HDHD2: variants seen among roughly 807,000 people sequenced by gnomAD.
HDHD2 encodes the protein haloacid dehalogenase-like hydrolase domain-containing protein 2.
In HDHD2, 26 loss-of-function variants were observed where a neutral mutation model predicts 24.8. The observed-to-expected ratio is 1.05, with a 90% CI of 0.77 to 1.45. HDHD2 has a LOEUF of 1.45. Among genes scored for constraint, HDHD2 ranks in the 40% most tolerant of loss-of-function variants. The probability of loss-of-function intolerance (pLI) is 0.00; values close to 1 mark genes in which losing one functional copy is unlikely to be tolerated. For missense variants in HDHD2, 299 were observed against 313.4 expected (o/e 0.95, Z 0.35); for synonymous variants, 128 against 114.9 (o/e 1.11, Z -0.73).
At position 47,143,942 on chromosome 18, in the gene HDHD2, G is replaced by A. The variant is rs560828957; in HGVS notation, c.-11+6436C>T. On this transcript the variant is annotated intron_variant, in intron 1 of 6. Transcript: ENST00000300605. ...TTTGAAAGAGTAAACATTTATTGAT[G>A]AATAAACTCTGGTATGCTTATTTTT... Among the ~76,000 whole-genome samples the A allele has an allele frequency of 9.2e-5, 14 of 152,198 alleles. No individual in the cohort carries two copies. The South Asian group carries it at 2.7e-3, about 29-fold the overall frequency.
intron 3 of HDHD2, among the ~76,000 whole-genome samples, chr18:47,131,811 A>G (rs1048253931): frequency 1.3e-5 from 2 of 152,180 alleles, no homozygotes; most frequent in Non-Finnish European, 2.9e-5. Flanking sequence ...ATCTCTTTGT[A>G]GTTCTTTTGT....
At chr18:47,130,439 T>C (rs1398606893) in intron 3 of HDHD2, 111 bp from the exon 4 acceptor site, 3 of 675,706 alleles carry the variant, frequency 4.4e-6, no homozygotes, top group Non-Finnish European at 7.7e-6. Context: ...ATCCATAATT[T>C]AAAATTTAAT....
At chr18:47,128,673 G>A (rs1172192528) in intron 4 of HDHD2, among the ~76,000 whole-genome samples, 1 of 152,234 alleles carries the variant, frequency 6.6e-6, no homozygotes, top group African/African-American at 2.4e-5. Context: ...ACAAGAGCTT[G>A]ACTATCACAG....
intron 1 of HDHD2, among the ~76,000 whole-genome samples, chr18:47,142,551 T>C (rs2063829458): frequency 6.6e-6 from 1 of 152,170 alleles, no homozygotes; most frequent in Non-Finnish European, 1.5e-5. Flanking sequence ...AGAATGTGAG[T>C]ACATACGTTC....
intron 5 of HDHD2, among the ~76,000 whole-genome samples, chr18:47,114,574 C>G (rs2063541689): frequency 6.6e-6 from 1 of 152,218 alleles, no homozygotes. Flanking sequence ...GGTAAACTGA[C>G]AAGGTGCTCA....
intron 1 of HDHD2, among the ~76,000 whole-genome samples, chr18:47,141,939 T>C (rs1255962935): frequency 4.6e-5 from 7 of 152,222 alleles, no homozygotes; most frequent in Non-Finnish European, 1.0e-4. Flanking sequence ...CATGGTGTTC[T>C]AGTGATAGTG....
chr18:47,132,944 G>A (rs998325080), intron 3 of HDHD2, among the ~76,000 whole-genome samples: 4 of 152,142 alleles, frequency 2.6e-5, no homozygotes, highest in African/African-American at 7.2e-5. Context: ...AGTGGTGCCT[G>A]CATTGAGGAT....
intron 4 of HDHD2, among the ~76,000 whole-genome samples, chr18:47,125,331 G>A (rs978254291): frequency 3.3e-5 from 5 of 152,240 alleles, no homozygotes; most frequent in South Asian, 4.1e-4. Context: ...ACTGTTTGGC[G>A]ATATTTACTA....
Position 47,130,268 on chromosome 18 carries a change from T to A in HDHD2, c.371A>T (p.Tyr124Phe), listed in dbSNP as rs1156431230. 6.2e-7 allele frequency: 1 copy of A among 1,605,072 alleles called. No homozygotes were observed. The highest frequency in any genetic ancestry group is 8.5e-7 in the Non-Finnish European group (1 of 1,173,006). The change falls in exon 4 of 7, where the codon TAT becomes TTT. Residue 124 changes from tyrosine (Y) to phenylalanine (F), a missense_variant. Tyr to Phe is a conservative substitution (Grantham distance 22). Coordinates refer to ENST00000300605, the MANE Select transcript of HDHD2 (RefSeq NM_032124.5). ...CCGGAATGCTTGATTCAGAATTTGA[T>A]AATGAAAATGTTCTGGTGCCAATCC... ...VMGLAPEHFH[Y>F]QILNQAFRLL... is the part of the protein sequence containing the mutation.
rs184165487 is a variant in HDHD2, at chr18:47,123,406, G to A, written c.395+6838C>T. On this transcript the variant is annotated intron_variant, in intron 4 of 6. Coordinates refer to ENST00000300605, the MANE Select transcript of HDHD2 (RefSeq NM_032124.5). ...AGTTTGAGACCAGCCTGACCAACATGGCAAAACCCCATCTCTACTAAAAAT... is the reference window on the plus strand; with the variant it reads ...AGTTTGAGACCAGCCTGACCAACATAGCAAAACCCCATCTCTACTAAAAAT... 3.3e-4 allele frequency among the ~76,000 whole-genome samples: 50 copies of A among 152,194 alleles called. 1 individual carries two copies. Among genetic ancestry groups the A allele is most frequent in the African/African-American group, 1.2e-3 (50 of 41,518 alleles).
intron 1 of HDHD2, among the ~76,000 whole-genome samples, chr18:47,148,517 G>A (rs2063896728): frequency 6.6e-6 from 1 of 152,156 alleles, no homozygotes; most frequent in South Asian, 2.1e-4. Flanking sequence ...ATGCAAAGAA[G>A]AAAAGCCATA....
At chr18:47,121,905 C>T (rs916420252) in intron 4 of HDHD2, among the ~76,000 whole-genome samples, 3 of 152,188 alleles carry the variant, frequency 2.0e-5, no homozygotes, top group South Asian at 2.1e-4. Context: ...CAGGTTTCAG[C>T]TTAAATGTCA....
At chr18:47,146,418 G>A (rs1401589737) in intron 1 of HDHD2, among the ~76,000 whole-genome samples, 2 of 152,132 alleles carry the variant, frequency 1.3e-5, no homozygotes, top group African/African-American at 4.8e-5. Context: ...GCTAGTGAAA[G>A]AATATACTTG....
chr18:47,113,841 A>G (rs1334678152), intron 5 of HDHD2, among the ~76,000 whole-genome samples: 1 of 152,146 alleles, frequency 6.6e-6, no homozygotes, highest in Non-Finnish European at 1.5e-5. Context: ...TCAAGGTCCA[A>G]CTTCAAACCA....
chr18:47,122,424 G>C (rs913420238), intron 4 of HDHD2, among the ~76,000 whole-genome samples: 6 of 152,082 alleles, frequency 3.9e-5, no homozygotes, highest in Admixed American at 3.9e-4. Context: ...TACCCATCAT[G>C]TGCCAGTACC....
At position 47,115,211 on chromosome 18, in the gene HDHD2, CCCACGACTGTGG is replaced by C; in HGVS notation, c.521_532del (p.Ala174_Val177del). Reference sequence around the variant, plus strand: ...CAAAAAGAACGTCTTCTCTGGTTTCCCCACGACTGTGGCTTTGGTATCTGTGGCATACTCTAA... The same window carrying C: ...CAAAAAGAACGTCTTCTCTGGTTTCCCTTTGGTATCTGTGGCATACTCTAA... On this transcript the variant is annotated inframe_deletion, in exon 5 of 7. Transcript: ENST00000300605. 6.2e-7 allele frequency: 1 copy of C among 1,614,034 alleles called. No individual in the cohort carries two copies. Among genetic ancestry groups the C allele is most frequent in the Non-Finnish European group, 8.5e-7 (1 of 1,179,934 alleles).
chr18:47,131,776 A>G (rs974986694), intron 3 of HDHD2, among the ~76,000 whole-genome samples: 3 of 151,996 alleles, frequency 2.0e-5, no homozygotes, highest in African/African-American at 7.2e-5. Context: ...ACTAATAACA[A>G]TAAGACTCCT....
chr18:47,120,854 T>TG (rs1219487511), intron 4 of HDHD2, among the ~76,000 whole-genome samples: 1 of 152,172 alleles, frequency 6.6e-6, no homozygotes, highest in Non-Finnish European at 1.5e-5. Context: ...AACAGCTGGC[T>TG]GGTGAAGCGG....
At position 47,136,326 on chromosome 18, in the gene HDHD2, G is replaced by A; in HGVS notation, c.101+13C>T. On this transcript the variant is annotated intron_variant, in intron 2 of 6. Transcript: ENST00000300605. ...CAAACATATTTGTCAGCTGAACCTGGAGGATAGCTTGCCTTTTAAGAGCTT... is the reference window on the plus strand; with the variant it reads ...CAAACATATTTGTCAGCTGAACCTGAAGGATAGCTTGCCTTTTAAGAGCTT... 1 of 1,613,532 alleles carries A rather than the reference G, an allele frequency of 6.2e-7. No individual in the cohort carries two copies. Among genetic ancestry groups the A allele is most frequent in the African/African-American group, 1.3e-5 (1 of 75,034 alleles).
Sources: gnomAD v4.1 joint callset for allele counts (sites outside exome capture counted in the v4.1 genomes callset) on GRCh38, gnomAD v4.1.1 for gene constraint, MANE v1.5 for transcripts, NCBI Gene and HGNC (gene_info 2026-07-23, HGNC 2026-07-21) for gene names.